DSCAM: variants seen among roughly 807,000 people sequenced by gnomAD.
The protein encoded by DSCAM is DS cell adhesion molecule.
In DSCAM, 47 loss-of-function variants were observed where a neutral mutation model predicts 217.7. That is an observed-to-expected ratio of 0.22 (90% CI 0.17 to 0.28). The LOEUF is 0.28. DSCAM is among the 10% of genes least tolerant of loss of function. The pLI, the probability that DSCAM is intolerant of heterozygous loss-of-function variation, is 1.00. For missense variants in DSCAM, 2,080 were observed against 2,618.3 expected, an observed-to-expected ratio of 0.79 and a Z score of 4.49; for synonymous variants, 1,056 against 1,015.3, an observed-to-expected ratio of 1.04 and a Z score of -0.76.
At chr21:40,780,415 G>GTATATATATATATA (rs1392958197) in intron 1 of DSCAM, among the ~76,000 whole-genome samples, 2 of 44,188 alleles carry the variant, frequency 4.5e-5, no homozygotes, top group Non-Finnish European at 7.3e-5. Flanking sequence ...GTGTGTGTGT[G>GTATATATATATATA]TGTGTGTGTA....
chr21:40,157,431 A>G (rs2090490184), intron 16 of DSCAM, among the ~76,000 whole-genome samples: 1 of 152,224 alleles, frequency 6.6e-6, no homozygotes, highest in Non-Finnish European at 1.5e-5. Context: ...GGTTGACAGG[A>G]GAGGCACTAC....
At chr21:40,055,244 T>C (rs2088995405) in intron 29 of DSCAM, among the ~76,000 whole-genome samples, 1 of 152,206 alleles carries the variant, frequency 6.6e-6, no homozygotes, top group Non-Finnish European at 1.5e-5. Flanking sequence ...TGGGGGAAGA[T>C]ACCCTGTACA....
chr21:40,774,878 C>T (rs942508734), intron 1 of DSCAM, among the ~76,000 whole-genome samples: 1 of 151,820 alleles, frequency 6.6e-6, no homozygotes, highest in African/African-American at 2.4e-5. Context: ...ATCCAAGGTC[C>T]TTTACTGCTA....
Position 40,189,165 on chromosome 21 carries a change from C to A in DSCAM, c.2430G>T (p.Thr810=). The A allele has an allele frequency of 6.2e-7, 1 of 1,613,900 alleles. No individual in the cohort carries two copies. The highest frequency in any genetic ancestry group is 1.3e-5 in the African/African-American group (1 of 74,970). ...CTATAATGGGCTTCTCACCATGCGCCGTGCAGCTCATCTCCTTTTTCTGCC... is the reference window on the plus strand; with the variant it reads ...CTATAATGGGCTTCTCACCATGCGCAGTGCAGCTCATCTCCTTTTTCTGCC... ...TQGQKKEMSC[T]AHGEKPIIVR... The change falls in exon 12 of 33, where the codon ACG becomes ACT. Residue 810 remains threonine (T), a synonymous_variant. Transcript: ENST00000400454.
chr21:40,533,620 T>TTCAA (rs750709760), intron 3 of DSCAM, among the ~76,000 whole-genome samples: 5 of 150,214 alleles, frequency 3.3e-5, no homozygotes, highest in African/African-American at 7.4e-5. Flanking sequence ...CATCCATCCA[T>TTCAA]CCATCCAACC....
chr21:40,740,645 T>C (rs1328642016), intron 1 of DSCAM, among the ~76,000 whole-genome samples: 2 of 152,204 alleles, frequency 1.3e-5, no homozygotes, highest in Non-Finnish European at 2.9e-5. Context: ...TTAGGATCCA[T>C]CTGGAAGGAG....
intron 8 of DSCAM, among the ~76,000 whole-genome samples, chr21:40,335,093 C>T (rs1210990315): frequency 1.3e-5 from 2 of 152,122 alleles, no homozygotes; most frequent in Admixed American, 6.5e-5. Flanking sequence ...CCTAGGATGT[C>T]CCTTCCCCAG....
At chr21:40,615,051 C>T (rs1039688523) in intron 3 of DSCAM, among the ~76,000 whole-genome samples, 7 of 151,582 alleles carry the variant, frequency 4.6e-5, no homozygotes, top group African/African-American at 7.3e-5. Flanking sequence ...CGCCTGTAAT[C>T]CCAACACTTT....
At chr21:40,682,625 A>AAGAG (rs1166773432) in intron 3 of DSCAM, among the ~76,000 whole-genome samples, 2 of 110,014 alleles carry the variant, frequency 1.8e-5, no homozygotes, top group Non-Finnish European at 3.9e-5. Flanking sequence ...GAGAAAGAGA[A>AAGAG]AGAGAGAGAA....
intron 18 of DSCAM, among the ~76,000 whole-genome samples, chr21:40,134,481 A>G (rs1341993872): frequency 2.0e-5 from 3 of 152,204 alleles, no homozygotes; most frequent in Non-Finnish European, 4.4e-5. Context: ...CTACTTTAAC[A>G]TACATGTATT....
At chr21:40,338,921 T>C (rs543062595) in intron 7 of DSCAM, among the ~76,000 whole-genome samples, 198 bp downstream of exon 7, 1 of 152,274 alleles carries the variant, frequency 6.6e-6, no homozygotes, top group African/African-American at 2.4e-5. Flanking sequence ...AAGAACAAGC[T>C]GACTACAGAA....
chr21:40,514,469 A>T (rs56302034), intron 3 of DSCAM, among the ~76,000 whole-genome samples: 36,423 of 152,086 alleles, frequency 0.24, 5,035 homozygotes, highest in East Asian at 0.38. Flanking sequence ...TCAGAGCTTA[A>T]CTCCTAATTT....
At chr21:40,456,972 A>G (rs1247372619) in intron 3 of DSCAM, among the ~76,000 whole-genome samples, 1 of 152,202 alleles carries the variant, frequency 6.6e-6, no homozygotes, top group Admixed American at 6.5e-5. Flanking sequence ...ATCAATTGTA[A>G]ATCATGGCAA....
chr21:40,555,760 G>A lies in DSCAM; in HGVS notation c.508+137050C>T, dbSNP rs139303261. On this transcript the variant is annotated intron_variant, in intron 3 of 32. Transcript: ENST00000400454. ...TGATCAACTTGCCTTAGCCTTCTGA[G>A]TAGCTGGCACTACAGGTGTCCACCA... Among the ~76,000 whole-genome samples the A allele has an allele frequency of 1.1e-3, 164 of 152,286 alleles. 1 individual carries two copies. The highest frequency in any genetic ancestry group is 3.8e-3 in the African/African-American group (156 of 41,570).
At chr21:40,840,086 A>G (rs967736785) in intron 1 of DSCAM, among the ~76,000 whole-genome samples, 3 of 152,242 alleles carry the variant, frequency 2.0e-5, no homozygotes, top group Non-Finnish European at 4.4e-5. Flanking sequence ...AAAAGCTGAT[A>G]AATATTGTAA....
chr21:40,728,409 A>G (rs1676461413), intron 1 of DSCAM, among the ~76,000 whole-genome samples: 1 of 151,386 alleles, frequency 6.6e-6, no homozygotes, highest in Non-Finnish European at 1.5e-5. Flanking sequence ...AACATTCACT[A>G]TAAATGATTC....
At chr21:40,784,359 G>A (rs1002889481) in intron 1 of DSCAM, among the ~76,000 whole-genome samples, 4 of 152,096 alleles carry the variant, frequency 2.6e-5, no homozygotes, top group Admixed American at 6.6e-5. Flanking sequence ...CGTGTAAGGC[G>A]TGCCTTTCAC....
At chr21:40,320,679 T>C (rs1219549743) in intron 8 of DSCAM, among the ~76,000 whole-genome samples, 2 of 152,170 alleles carry the variant, frequency 1.3e-5, no homozygotes, top group African/African-American at 4.8e-5. Flanking sequence ...CTTACATGGA[T>C]GGCATCAGGC....
At chr21:40,643,382 G>A (rs1260083747) in intron 3 of DSCAM, among the ~76,000 whole-genome samples, 1 of 152,310 alleles carries the variant, frequency 6.6e-6, no homozygotes, top group South Asian at 2.1e-4. Context: ...GGGTCATGGT[G>A]AAATTATTGT....
Sources: allele counts gnomAD v4.1 joint callset (sites outside exome capture counted in the v4.1 genomes callset), GRCh38; gene constraint gnomAD v4.1.1; transcripts MANE v1.5; gene names NCBI Gene and HGNC (gene_info 2026-07-23, HGNC 2026-07-21).